The following RCL1 variants were observed in gnomAD, a reference collection of about 807,000 sequenced individuals.
RCL1 encodes the protein RNA 3'-terminal phosphate cyclase-like protein.
A neutral mutation model predicts 42.4 loss-of-function variants in RCL1; 24 were observed. The observed-to-expected ratio is 0.57, with a 90% CI of 0.41 to 0.80. The LOEUF (loss-of-function observed/expected upper bound fraction) is 0.80. Ranked by LOEUF, RCL1 falls within the 30% of genes least tolerant of loss-of-function variation. RCL1 has a pLI of 0.00. For synonymous variants in RCL1, 228 were observed against 177.3 expected (o/e 1.29, Z -2.27); for missense variants, 578 against 467.9 (o/e 1.24, Z -2.17).
intron 1 of RCL1, among the ~76,000 whole-genome samples, chr9:4,802,074 A>ATTTTTTTTTTTTTTTT (rs34756856): frequency 1.3e-4 from 12 of 95,458 alleles, no homozygotes; most frequent in Non-Finnish European, 2.1e-4. Context: ...ACGCCTGGCT[A>ATTTTTTTTTTTTTTTT]TTTTTTTTTT....
At chr9:4,829,189 G>A (rs190430006) in intron 3 of RCL1, among the ~76,000 whole-genome samples, 6 of 152,312 alleles carry the variant, frequency 3.9e-5, no homozygotes, top group Non-Finnish European at 8.8e-5. Flanking sequence ...GTTAGAGAGC[G>A]TTTCTTGAGG....
chr9:4,845,950 T>C (rs1214240110), intron 7 of RCL1, among the ~76,000 whole-genome samples: 6 of 152,228 alleles, frequency 3.9e-5, no homozygotes, highest in Non-Finnish European at 8.8e-5. Context: ...AAAAATCACA[T>C]CTGAGCCAAG....
intron 7 of RCL1, among the ~76,000 whole-genome samples, chr9:4,847,674 A>G (rs2098067980): frequency 6.6e-6 from 1 of 152,210 alleles, no homozygotes; most frequent in African/African-American, 2.4e-5. Context: ...ATGTGCACAG[A>G]GACCTTCACT....
intron 5 of RCL1, among the ~76,000 whole-genome samples, chr9:4,839,225 C>G (rs1442530669): frequency 6.6e-6 from 1 of 152,184 alleles, no homozygotes; most frequent in African/African-American, 2.4e-5. Flanking sequence ...GTATAGGATT[C>G]TGTAGGCCCT....
chr9:4,801,658 T>G (rs1843002288), intron 1 of RCL1, among the ~76,000 whole-genome samples: 1 of 152,090 alleles, frequency 6.6e-6, no homozygotes, highest in Non-Finnish European at 1.5e-5. Flanking sequence ...TGGCAGTGCT[T>G]TTAGTGTTAA....
chr9:4,806,135 C>T (rs1300571233), intron 1 of RCL1, among the ~76,000 whole-genome samples: 2 of 149,510 alleles, frequency 1.3e-5, no homozygotes, highest in Admixed American at 6.7e-5. Flanking sequence ...TTTCCCTTGT[C>T]ATTTCCTTGG....
chr9:4,817,056 A>G (rs903041737), intron 1 of RCL1, among the ~76,000 whole-genome samples: 5 of 152,164 alleles, frequency 3.3e-5, no homozygotes, highest in African/African-American at 1.2e-4. Flanking sequence ...TGACCTTGTA[A>G]TCCGCCTGCC....
intron 8 of RCL1, among the ~76,000 whole-genome samples, chr9:4,857,734 G>A (rs1050518615): frequency 6.6e-6 from 1 of 152,164 alleles, no homozygotes; most frequent in Non-Finnish European, 1.5e-5. Flanking sequence ...CACCAGCAGT[G>A]TATGAGGGTT....
intron 1 of RCL1, among the ~76,000 whole-genome samples, chr9:4,799,535 C>A (rs1006076696): frequency 6.6e-6 from 1 of 152,136 alleles, no homozygotes; most frequent in African/African-American, 2.4e-5. Flanking sequence ...CTTTTGTAGC[C>A]ACACTCAGTT....
At position 4,793,457 on chromosome 9, in the gene RCL1, G is replaced by A. The variant is rs527618731; in HGVS notation, c.136+230G>A. Among the ~76,000 whole-genome samples the A allele has an allele frequency of 1.1e-4, 17 of 152,370 alleles. No individual in the cohort carries two copies. In the South Asian group the frequency reaches 3.5e-3, roughly 32 times the overall value. On this transcript the variant is annotated intron_variant, in intron 1 of 8. Coordinates refer to ENST00000381750, the MANE Select transcript of RCL1 (RefSeq NM_005772.5). ...GCAAGCTGCGCTCGGCGTCTCCGGGGCGCTGGTAGTAAACAGCTGCACGTT... is the reference window on the plus strand; with the variant it reads ...GCAAGCTGCGCTCGGCGTCTCCGGGACGCTGGTAGTAAACAGCTGCACGTT...
intron 1 of RCL1, among the ~76,000 whole-genome samples, chr9:4,794,370 G>A (rs766186576): frequency 1.1e-4 from 17 of 152,180 alleles, no homozygotes; most frequent in Non-Finnish European, 2.4e-4. Flanking sequence ...GTGATGGTAG[G>A]AAAAACTTGT....
Position 4,849,654 on chromosome 9 carries a change from C to G in RCL1, c.971+104C>G, listed in dbSNP as rs547209873. 2.9e-4 allele frequency: 220 copies of G among 757,742 alleles called. 1 individual carries two copies. The highest frequency in any genetic ancestry group is 4.6e-4 in the Non-Finnish European group (200 of 438,046). 46.9% of individuals were successfully genotyped at this position (757,742 alleles called of 1,614,324 possible). A position where few individuals can be genotyped will look rare whatever the true frequency, so the allele number is the denominator to read the frequency against. ...TGCACAGAGCCTGCACTATGAACAC[C>G]TGCTTGTGTTTATCCTCAAATCAGC... On this transcript the variant is annotated intron_variant, in intron 8 of 8. Transcript: ENST00000381750.
chr9:4,819,946 G>A (rs1003219145), intron 1 of RCL1, among the ~76,000 whole-genome samples: 6 of 152,192 alleles, frequency 3.9e-5, no homozygotes, highest in African/African-American at 1.2e-4. Context: ...ATAAGAGATC[G>A]TAAAATGAAC....
intron 7 of RCL1, among the ~76,000 whole-genome samples, chr9:4,847,093 G>A (rs1337374988): frequency 6.6e-6 from 1 of 151,962 alleles, no homozygotes; most frequent in Non-Finnish European, 1.5e-5. Context: ...TGGTCAGGCT[G>A]GTCTCGAACT....
At chr9:4,821,454 T>C (rs1259565053) in intron 1 of RCL1, among the ~76,000 whole-genome samples, 1 of 152,200 alleles carries the variant, frequency 6.6e-6, no homozygotes, top group Non-Finnish European at 1.5e-5. Flanking sequence ...CATTTCGTTT[T>C]GCTATAACAA....
intron 1 of RCL1, among the ~76,000 whole-genome samples, chr9:4,794,432 G>GGA (rs1173379984): frequency 2.6e-5 from 4 of 152,108 alleles, no homozygotes; most frequent in African/African-American, 4.8e-5. Flanking sequence ...AGAAAGTTAG[G>GGA]GAGAGACCAC....
chr9:4,852,993 T>G (rs1161179732), intron 8 of RCL1, among the ~76,000 whole-genome samples: 6 of 152,164 alleles, frequency 3.9e-5, no homozygotes, highest in African/African-American at 1.4e-4. Flanking sequence ...AGTTATTATT[T>G]TTATGACTGA....
At chr9:4,859,891 C>T (rs981595584) in intron 8 of RCL1, among the ~76,000 whole-genome samples, 6 of 150,524 alleles carry the variant, frequency 4.0e-5, no homozygotes, top group African/African-American at 1.5e-4. Context: ...TCTAACCTTT[C>T]CCCCCCCAGT....
chr9:4,836,899 A>C (rs10815092), intron 5 of RCL1: 30,592 of 152,106 alleles, frequency 0.2, 3,838 homozygotes, highest in East Asian at 0.54. Flanking sequence ...AGGAATACAT[A>C]ATAACAAAGC....
Sources: gnomAD v4.1 joint callset for allele counts (sites outside exome capture counted in the v4.1 genomes callset) on GRCh38, gnomAD v4.1.1 for gene constraint, MANE v1.5 for transcripts, NCBI Gene and HGNC (gene_info 2026-07-23, HGNC 2026-07-21) for gene names.